The following AGAP1 variants were observed in gnomAD, a reference collection of about 807,000 sequenced individuals.
AGAP1 encodes the protein arf-GAP with GTPase, ANK repeat and PH domain-containing protein 1.
Under a neutral mutation model 105.3 loss-of-function variants are expected in AGAP1, and 29 were observed. The observed-to-expected ratio is 0.28, with a 90% confidence interval of 0.21 to 0.38. The LOEUF (loss-of-function observed/expected upper bound fraction) is 0.38. AGAP1 is among the 10% of genes least tolerant of loss of function. AGAP1 has a pLI of 1.00. For missense variants in AGAP1, 998 were observed against 1,165.1 expected (o/e 0.86, Z 2.09); for synonymous variants, 509 against 485.9 (o/e 1.05, Z -0.63).
chr2:235,987,369 T>C (rs769039073), intron 13 of AGAP1, among the ~76,000 whole-genome samples: 3 of 152,106 alleles, frequency 2.0e-5, no homozygotes, highest in South Asian at 4.1e-4. Context: ...TTTTTTATTA[T>C]GTCTGTTTGA....
chr2:235,656,639 A>C (rs1350795706), intron 1 of AGAP1, among the ~76,000 whole-genome samples: 1 of 152,172 alleles, frequency 6.6e-6, no homozygotes, highest in East Asian at 1.9e-4. Context: ...AACCCTAGCC[A>C]ACAGGGGAAC....
At chr2:235,772,383 G>A (rs922314656) in intron 6 of AGAP1, among the ~76,000 whole-genome samples, 4 of 152,092 alleles carry the variant, frequency 2.6e-5, no homozygotes, top group Non-Finnish European at 2.9e-5. Context: ...TTCTCTTGAC[G>A]AACTTCCCTA....
At chr2:235,511,628 T>C (rs939032188) in intron 1 of AGAP1, among the ~76,000 whole-genome samples, 1 of 152,194 alleles carries the variant, frequency 6.6e-6, no homozygotes, top group Admixed American at 6.5e-5. Context: ...TCACTTGTTT[T>C]CTGGCCAAGA....
rs909570594 is a variant in AGAP1 at position 235,716,524 on chromosome 2, A to G, written c.223-1033A>G. Among the ~76,000 whole-genome samples the G allele has an allele frequency of 6.6e-6, 1 of 152,118 alleles. No individual in the cohort carries two copies. Among genetic ancestry groups the G allele is most frequent in the Non-Finnish European group, 1.5e-5 (1 of 68,014 alleles). On this transcript the variant is annotated intron_variant, in intron 2 of 17. Transcript: ENST00000304032. This position sits in a 1 kb window ranked among gnomAD's most constrained non-coding sequence, Gnocchi z 4.0. ...AGCGGGGTGAGTCCCAGCTCAGGGAATGGCAGGTGGCCTTAATGAGCACCT... is the reference window on the plus strand; with the variant it reads ...AGCGGGGTGAGTCCCAGCTCAGGGAGTGGCAGGTGGCCTTAATGAGCACCT...
At chr2:235,797,641 T>C (rs1054058765) in intron 6 of AGAP1, 118 bp from the exon 7 acceptor site, 9 of 1,314,526 alleles carry the variant, frequency 6.8e-6, no homozygotes, top group South Asian at 2.7e-5. Context: ...GAACCAGGAA[T>C]GCTATTACTG....
At chr2:235,624,589 G>A (rs142929054) in intron 1 of AGAP1, among the ~76,000 whole-genome samples, 2 of 152,310 alleles carry the variant, frequency 1.3e-5, no homozygotes, top group East Asian at 1.9e-4. Context: ...GCTGTAAAGT[G>A]TATGTGCGTG....
chr2:235,820,634 A>C (rs1958738115), intron 9 of AGAP1, among the ~76,000 whole-genome samples: 1 of 152,254 alleles, frequency 6.6e-6, no homozygotes, highest in South Asian at 2.1e-4. Flanking sequence ...GATTTCATTC[A>C]TGCTAAAAAC....
intron 1 of AGAP1, among the ~76,000 whole-genome samples, chr2:235,699,935 C>T (rs566118910): frequency 6.6e-6 from 1 of 152,246 alleles, no homozygotes; most frequent in East Asian, 1.9e-4. Flanking sequence ...CTTCTGGGGA[C>T]CTCGGTGTTG....
At position 235,794,435 on chromosome 2, in the gene AGAP1, G is replaced by T. The variant is rs189054764; in HGVS notation, c.674-3324G>T. 5.9e-5 allele frequency among the ~76,000 whole-genome samples: 9 copies of T among 152,206 alleles called. No individual in the cohort carries two copies. The East Asian group carries it at 1.5e-3, about 26-fold the overall frequency. On this transcript the variant is annotated intron_variant, in intron 6 of 17. Transcript: ENST00000304032. Reference sequence around the variant, plus strand: ...AAGTGTGCTGCCCAATTTGAGAAAAGATCAAATCTCAGTGACAAAGCTTCC... The same window carrying T: ...AAGTGTGCTGCCCAATTTGAGAAAATATCAAATCTCAGTGACAAAGCTTCC...
At chr2:235,687,843 C>G (rs542135511) in intron 1 of AGAP1, among the ~76,000 whole-genome samples, 18 of 145,456 alleles carry the variant, frequency 1.2e-4, no homozygotes, top group African/African-American at 4.0e-4. Context: ...GGATGTGTTC[C>G]TGGATTTTTT....
At chr2:235,929,883 T>A (rs2052638353) in intron 11 of AGAP1, among the ~76,000 whole-genome samples, 1 of 152,204 alleles carries the variant, frequency 6.6e-6, no homozygotes, top group Non-Finnish European at 1.5e-5. Flanking sequence ...GTGAAAAACT[T>A]ATGTTGAGAC....
At position 235,578,326 on chromosome 2, in the gene AGAP1, C is replaced by T. The variant is rs375334274; in HGVS notation, c.163+83477C>T. Among the ~76,000 whole-genome samples the T allele has an allele frequency of 2.0e-5, 3 of 152,282 alleles. No individual in the cohort carries two copies. The highest frequency in any genetic ancestry group is 1.9e-4 in the East Asian group (1 of 5,172). ...AAACTACAACCTAAGAACCACAATG[C>T]CTGTTCCCCTTACCTGCCCCCAGGT... On this transcript the variant is annotated intron_variant, in intron 1 of 17. Coordinates refer to ENST00000304032, the MANE Select transcript of AGAP1 (RefSeq NM_001037131.3). The surrounding 1 kb of genome is among the most constrained non-coding windows in gnomAD (Gnocchi z 4.9).
chr2:236,116,743 G>T (rs1300247664), intron 16 of AGAP1, among the ~76,000 whole-genome samples: 1 of 145,302 alleles, frequency 6.9e-6, no homozygotes, highest in Non-Finnish European at 1.5e-5. Flanking sequence ...TTTATCCCTC[G>T]CCCCCCTCCC....
rs1294762076 is a variant in AGAP1 at position 235,737,845 on chromosome 2, T to C, written c.311-3118T>C. Among the ~76,000 whole-genome samples, 1 of 151,898 alleles carries C rather than the reference T, an allele frequency of 6.6e-6. No individual in the cohort carries two copies. Among genetic ancestry groups the C allele is most frequent in the Non-Finnish European group, 1.5e-5 (1 of 67,972 alleles). On this transcript the variant is annotated intron_variant, in intron 3 of 17. Transcript: ENST00000304032. The surrounding 1 kb of genome is among the most constrained non-coding windows in gnomAD (Gnocchi z 4.5). ...CTCTGGAGGTGACACAGTCTAGGGA[T>C]CTAGTGAGGAATGGGACCTGGGGCC...
At position 235,665,340 on chromosome 2, in the gene AGAP1, C is replaced by G. The variant is rs757407681; in HGVS notation, c.164-43839C>G. On this transcript the variant is annotated intron_variant, in intron 1 of 17. Coordinates refer to ENST00000304032, the MANE Select transcript of AGAP1 (RefSeq NM_001037131.3). The surrounding 1 kb of genome is among the most constrained non-coding windows in gnomAD (Gnocchi z 5.3). ...TCTTTTTTCCTGCCAGATCAATGTT[C>G]CTGCCCTACAGACAGACCATACTTG... Among the ~76,000 whole-genome samples, 1 of 152,168 alleles carries G rather than the reference C, an allele frequency of 6.6e-6. No individual in the cohort carries two copies. Among genetic ancestry groups the G allele is most frequent in the Non-Finnish European group, 1.5e-5 (1 of 68,032 alleles).
At chr2:235,576,427 G>T (rs1317139027) in intron 1 of AGAP1, among the ~76,000 whole-genome samples, 1 of 152,170 alleles carries the variant, frequency 6.6e-6, no homozygotes, top group Non-Finnish European at 1.5e-5. Context: ...TGTTTCCCCT[G>T]AAGTTTGACG....
At chr2:235,640,884 G>C (rs964910319) in intron 1 of AGAP1, among the ~76,000 whole-genome samples, 4 of 152,202 alleles carry the variant, frequency 2.6e-5, no homozygotes, top group Non-Finnish European at 4.4e-5. Context: ...AAGTCCAGGA[G>C]TCCTGACTGC....
chr2:235,858,779 T>A (rs2048792237), intron 9 of AGAP1, among the ~76,000 whole-genome samples: 1 of 152,228 alleles, frequency 6.6e-6, no homozygotes. Flanking sequence ...AGAGGCTTAC[T>A]CATATTTTAA....
At position 235,934,391 on chromosome 2, in the gene AGAP1, C is replaced by G. The variant is rs1405002037; in HGVS notation, c.1483+3468C>G. ...GCCTGCTGGACGCATCCTTGTCTGT[C>G]TGCGCCGAGGGTACCATCCCGGCGT... On this transcript the variant is annotated intron_variant, in intron 12 of 17. Coordinates refer to ENST00000304032, the MANE Select transcript of AGAP1 (RefSeq NM_001037131.3). This position sits in a 1 kb window ranked among gnomAD's most constrained non-coding sequence, Gnocchi z 4.9. 6.6e-6 allele frequency among the ~76,000 whole-genome samples: 1 copy of G among 152,192 alleles called. No homozygotes were observed. Among genetic ancestry groups the G allele is most frequent in the African/African-American group, 2.4e-5 (1 of 41,450 alleles).
Sources: allele counts gnomAD v4.1 joint callset (sites outside exome capture counted in the v4.1 genomes callset), GRCh38; gene constraint gnomAD v4.1.1; non-coding constraint Gnocchi (gnomAD v3.1); transcripts MANE v1.5; gene names NCBI Gene and HGNC (gene_info 2026-07-23, HGNC 2026-07-21).